CLCN5: variants seen among roughly 807,000 people sequenced by gnomAD.
CLCN5 encodes the protein H(+)/Cl(-) exchange transporter 5.
CLCN5 carries 17 observed loss-of-function variants against 54.0 expected under a neutral mutation model. The ratio of observed to expected loss-of-function variants is 0.31; its 90% confidence interval spans 0.22 to 0.47. The LOEUF is 0.47. Ranked by LOEUF, CLCN5 falls within the 20% of genes least tolerant of loss-of-function variation. CLCN5 has a pLI of 1.00. For missense variants in CLCN5, 448 were observed against 646.7 expected (o/e 0.69, Z 3.33); for synonymous variants, 222 against 233.0 (o/e 0.95, Z 0.43).
intron 3 of CLCN5, among the ~76,000 whole-genome samples, chrX:49,971,716 C>T (rs1928221423): frequency 8.9e-6 from 1 of 111,811 alleles, no homozygotes; most frequent in Non-Finnish European, 1.9e-5. Flanking sequence ...CTCTGTAACC[C>T]AGAGCTGGGG....
intron 7 of CLCN5, among the ~76,000 whole-genome samples, chrX:50,079,054 A>G (rs1320795870): frequency 9.0e-6 from 1 of 111,411 alleles, no homozygotes; most frequent in African/African-American, 3.3e-5. Flanking sequence ...TGATCTCCTG[A>G]CCTCGTGATC....
rs1245521260 is a variant in CLCN5 at position 50,054,737 on chromosome X, T to A, written c.163+12275T>A. The A allele has an allele frequency of 2.7e-5, 3 of 112,226 alleles. No individual in the cohort carries two copies. In the Admixed American group the frequency reaches 2.8e-4, roughly 11 times the overall value. 9.2% of individuals were successfully genotyped at this position (112,226 alleles called of 1,213,427 possible). A position where few individuals can be genotyped will look rare whatever the true frequency, so the allele number is the denominator to read the frequency against. On this transcript the variant is annotated intron_variant, in intron 4 of 14. Transcript: ENST00000376091. ...AGTTCTCCAATGAGTCCAAGAAAGA[T>A]CATTGATTTTTTTTGGTTTATCCAA...
Position 50,057,068 on chromosome X carries a change from T to A in CLCN5, c.164-12811T>A, listed in dbSNP as rs181525409. On this transcript the variant is annotated intron_variant, in intron 4 of 14. Coordinates refer to ENST00000376091, the MANE Select transcript of CLCN5 (RefSeq NM_001127898.4). ...GCAGTGGATCACTAAATGAAATGAG[T>A]GCAGGGATGAGATTCAAAACAATGC... 3.3e-3 allele frequency among the ~76,000 whole-genome samples: 360 copies of A among 110,516 alleles called. 1 individual carries two copies. The highest frequency in any genetic ancestry group is 0.011 in the African/African-American group (348 of 30,361).
At chrX:49,976,767 C>T (rs1002569427) in intron 3 of CLCN5, among the ~76,000 whole-genome samples, 4 of 111,459 alleles carry the variant, frequency 3.6e-5, no homozygotes, top group African/African-American at 6.5e-5. Flanking sequence ...AATACCAAGG[C>T]GTTTTCAAAG....
chrX:50,040,943 A>G (rs1328804270), intron 3 of CLCN5, among the ~76,000 whole-genome samples: 1 of 112,150 alleles, frequency 8.9e-6, no homozygotes, highest in Non-Finnish European at 1.9e-5. Context: ...CAACAACAAC[A>G]CTAACTGGGC....
At chrX:49,959,655 C>G (rs1356070285) in intron 3 of CLCN5, among the ~76,000 whole-genome samples, 4 of 111,846 alleles carry the variant, frequency 3.6e-5, no homozygotes, top group Non-Finnish European at 7.5e-5. Context: ...TTCCCTTATT[C>G]TTTGACGTGC....
At chrX:49,996,978 T>C (rs1929555684) in intron 3 of CLCN5, among the ~76,000 whole-genome samples, 1 of 111,982 alleles carries the variant, frequency 8.9e-6, no homozygotes, top group Non-Finnish European at 1.9e-5. Context: ...GTGTTTGTCT[T>C]TTCCATCCCC....
chrX:49,990,356 C>T (rs1602018544), intron 3 of CLCN5, among the ~76,000 whole-genome samples: 1 of 109,373 alleles, frequency 9.1e-6, no homozygotes, highest in African/African-American at 3.3e-5. Context: ...ATCACCTGAG[C>T]AGTGTACACT....
At chrX:50,073,613 G>C in intron 6 of CLCN5, among the ~76,000 whole-genome samples, 1 of 112,101 alleles carries the variant, frequency 8.9e-6, no homozygotes, top group Non-Finnish European at 1.9e-5. Context: ...GTTACCAAGA[G>C]AGAATAATTC....
At chrX:50,059,389 C>A (rs1042684820) in intron 4 of CLCN5, among the ~76,000 whole-genome samples, 2 of 111,853 alleles carry the variant, frequency 1.8e-5, no homozygotes, top group Non-Finnish European at 3.8e-5. Flanking sequence ...CTGTAGGGGC[C>A]ACTGGCATTG....
intron 4 of CLCN5, chrX:50,069,633 C>G: frequency 1.1e-6 from 1 of 933,430 alleles, no homozygotes; most frequent in East Asian, 4.8e-5. Context: ...ACTCCTGTCT[C>G]TCTTTGTACT....
intron 3 of CLCN5, chrX:50,009,081 C>T (rs1257683720): frequency 1.6e-5 from 5 of 312,837 alleles, no homozygotes; most frequent in Non-Finnish European, 1.9e-5. Flanking sequence ...CCCCTTCTTT[C>T]ACATGTTTGT....
chrX:49,972,011 G>C (rs1964101), intron 3 of CLCN5, among the ~76,000 whole-genome samples: 2,562 of 110,527 alleles, frequency 0.023, 35 homozygotes, highest in Admixed American at 0.057. Flanking sequence ...TAAAAAATTT[G>C]CCCAAAAAAG....
chrX:49,927,285 A>C (rs781962093), intron 3 of CLCN5, among the ~76,000 whole-genome samples: 1 of 112,557 alleles, frequency 8.9e-6, no homozygotes, highest in East Asian at 2.7e-4. Context: ...ACTCTTAATC[A>C]AAATGTCATA....
intron 3 of CLCN5, among the ~76,000 whole-genome samples, chrX:50,035,939 TC>T (rs1931977170): frequency 8.9e-6 from 1 of 112,366 alleles, no homozygotes; most frequent in African/African-American, 3.2e-5. Flanking sequence ...CTATCTGTAA[TC>T]CTCTAGTTGG....
At chrX:49,957,933 G>A (rs1202647734) in intron 3 of CLCN5, among the ~76,000 whole-genome samples, 1 of 109,898 alleles carries the variant, frequency 9.1e-6, no homozygotes, top group Non-Finnish European at 1.9e-5. Context: ...AATCCGCAGG[G>A]CTTATTGATA....
chrX:49,923,368 C>G (rs1187574223), intron 1 of CLCN5, 39 bp from the exon 2 acceptor site: 1 of 113,030 alleles, frequency 8.8e-6, no homozygotes, highest in Non-Finnish European at 1.9e-5. Flanking sequence ...AAAGCTTTGC[C>G]TTTACATTGA....
chrX:49,997,311 T>G (rs1454181883), intron 3 of CLCN5, among the ~76,000 whole-genome samples: 4 of 111,144 alleles, frequency 3.6e-5, no homozygotes, highest in African/African-American at 1.3e-4. Context: ...TCAGGATTTT[T>G]CAGGAGTTAT....
At chrX:50,090,633 T>C in intron 13 of CLCN5, 37 bp from the exon 14 acceptor site, 1 of 1,174,184 alleles carries the variant, frequency 8.5e-7, no homozygotes, top group Non-Finnish European at 1.2e-6. Context: ...AGCTAGCACG[T>C]CCATCTTCAA....
Sources: allele counts gnomAD v4.1 joint callset (sites outside exome capture counted in the v4.1 genomes callset), GRCh38; gene constraint gnomAD v4.1.1; transcripts MANE v1.5; gene names NCBI Gene and HGNC (gene_info 2026-07-23, HGNC 2026-07-21).